TXNDC16: variants seen among roughly 807,000 people sequenced by gnomAD.
TXNDC16 encodes the protein thioredoxin domain containing 16.
In TXNDC16, 74 loss-of-function variants were observed where a neutral mutation model predicts 85.6. The observed-to-expected ratio is 0.86, with a 90% CI of 0.72 to 1.05. TXNDC16 has a LOEUF of 1.05. Among genes scored for constraint, TXNDC16 ranks in the 50% least tolerant of loss-of-function variants. The pLI is 0.00. For synonymous variants in TXNDC16, 335 were observed against 326.5 expected (o/e 1.03, Z -0.28); for missense variants, 959 against 947.0 (o/e 1.01, Z -0.17).
At chr14:52,521,154 C>T (rs181460191) in intron 6 of TXNDC16, among the ~76,000 whole-genome samples, 88 of 152,022 alleles carry the variant, frequency 5.8e-4, no homozygotes, top group African/African-American at 2.1e-3. Context: ...GCTCTGTCGC[C>T]CGGGCTAGAG....
intron 6 of TXNDC16, among the ~76,000 whole-genome samples, chr14:52,530,368 TTATATAATATTA>T (rs1358039318): frequency 0.01 from 343 of 34,132 alleles, 28 homozygotes; most frequent in Non-Finnish European, 0.014. Context: ...ATATATATTA[TTATATAATATTA>T]TATATAATAT....
At chr14:52,521,488 C>T (rs2037210798) in intron 6 of TXNDC16, among the ~76,000 whole-genome samples, 1 of 152,072 alleles carries the variant, frequency 6.6e-6, no homozygotes. Flanking sequence ...TTCATTTCTG[C>T]TCCTGTATCT....
intron 3 of TXNDC16, among the ~76,000 whole-genome samples, chr14:52,543,043 C>A (rs186848577): frequency 6.6e-6 from 1 of 151,838 alleles, no homozygotes. Context: ...AATAGTTACA[C>A]GCTAAAAACA....
chr14:52,537,887 C>T (rs1412315070), intron 4 of TXNDC16, among the ~76,000 whole-genome samples: 1 of 151,994 alleles, frequency 6.6e-6, no homozygotes, highest in Non-Finnish European at 1.5e-5. Flanking sequence ...TCTCATGGAA[C>T]CAGTATGTGG....
intron 1 of TXNDC16, among the ~76,000 whole-genome samples, chr14:52,549,390 C>T (rs2038000567): frequency 1.3e-5 from 2 of 152,124 alleles, no homozygotes; most frequent in Non-Finnish European, 2.9e-5. Context: ...CTAAAGCGTG[C>T]ACATAAAATG....
At chr14:52,499,618 AAAAAG>A (rs1342860286) in intron 9 of TXNDC16, among the ~76,000 whole-genome samples, 8 of 151,846 alleles carry the variant, frequency 5.3e-5, no homozygotes, top group African/African-American at 1.2e-4. Context: ...TCAAAAAAAA[AAAAAG>A]AAAAGAAAGA....
rs1433832441 is a variant in TXNDC16 at position 52,529,978 on chromosome 14, A to C, written c.392+6741T>G. On this transcript the variant is annotated intron_variant, in intron 6 of 20. Transcript: ENST00000281741. ...TACATATTATAATACATATAACAAT[A>C]TGTAATATATAATTCATATATATAA... is the stretch of plus-strand genomic sequence containing the variant. 1.5e-3 allele frequency among the ~76,000 whole-genome samples: 138 copies of C among 89,208 alleles called. 5 individuals carry two copies. In the South Asian group the frequency reaches 0.047, roughly 30 times the overall value. 58.5% of individuals were successfully genotyped at this position (89,208 alleles called of 152,430 possible). A position where few individuals can be genotyped will look rare whatever the true frequency, so the allele number is the denominator to read the frequency against.
At chr14:52,508,252 G>A (rs541913697) in intron 9 of TXNDC16, among the ~76,000 whole-genome samples, 9 of 152,248 alleles carry the variant, frequency 5.9e-5, no homozygotes, top group East Asian at 3.9e-4. Flanking sequence ...ACAAGTGGGC[G>A]AAGGATATGA....
At chr14:52,544,428 C>A (rs1209367605) in intron 1 of TXNDC16, 57 bp from the exon 2 acceptor site, 1 of 151,904 alleles carries the variant, frequency 6.6e-6, no homozygotes, top group Non-Finnish European at 1.5e-5. Flanking sequence ...ACAGTCATAG[C>A]TGTAGGTGAA....
chr14:52,547,847 C>T (rs998305830), intron 1 of TXNDC16, among the ~76,000 whole-genome samples: 1 of 152,156 alleles, frequency 6.6e-6, no homozygotes, highest in African/African-American at 2.4e-5. Flanking sequence ...CAGGAAAAGC[C>T]AAGGAAGAAC....
chr14:52,459,520 T>C lies in TXNDC16; in HGVS notation c.1619-2346A>G, dbSNP rs183711362. On this transcript the variant is annotated intron_variant, in intron 16 of 20. Transcript: ENST00000281741. The stretch of plus-strand genomic sequence containing the variant: ...CAAAGAAGAGCTGATACCATTCCTA[T>C]TGAAACTATTCCCAAAAATTAAGGA... 8.9e-4 allele frequency among the ~76,000 whole-genome samples: 136 copies of C among 152,310 alleles called. 1 individual carries two copies. The highest frequency in any genetic ancestry group is 3.4e-3 in the Middle Eastern group (1 of 292).
At chr14:52,459,898 G>A (rs1206835211) in intron 16 of TXNDC16, among the ~76,000 whole-genome samples, 1 of 152,124 alleles carries the variant, frequency 6.6e-6, no homozygotes, top group Non-Finnish European at 1.5e-5. Flanking sequence ...ACTAGGTACT[G>A]AAGAAACACA....
chr14:52,453,953 AAAG>A (rs1413347952), intron 18 of TXNDC16, among the ~76,000 whole-genome samples: 1 of 152,230 alleles, frequency 6.6e-6, no homozygotes, highest in Non-Finnish European at 1.5e-5. Context: ...TTGAAAGAAT[AAAG>A]AAGACCTAGT....
chr14:52,534,008 A>G lies in TXNDC16; in HGVS notation c.392+2711T>C, dbSNP rs2037643813. On this transcript the variant is annotated intron_variant, in intron 6 of 20. Transcript: ENST00000281741. ...AATTTTCTCTAGAAAACTGCAATGT[A>G]CTGCTTATGTGCCAAGTGTGGTATG... 1.3e-5 allele frequency among the ~76,000 whole-genome samples: 2 copies of G among 152,130 alleles called. 1 individual carries two copies. Among genetic ancestry groups the G allele is most frequent in the South Asian group, 4.1e-4 (2 of 4,834 alleles).
chr14:52,509,783 C>A (rs2036910860), intron 9 of TXNDC16, among the ~76,000 whole-genome samples: 1 of 151,784 alleles, frequency 6.6e-6, no homozygotes, highest in East Asian at 1.9e-4. Context: ...TCGAGACCAT[C>A]CTGGCTAAGA....
At position 52,528,861 on chromosome 14, in the gene TXNDC16, ATATAATACCTATTATATATATTATC is replaced by A. The variant is rs1297813518; in HGVS notation, c.392+7833_392+7857del. Among the ~76,000 whole-genome samples, 139 of 145,656 alleles carry A rather than the reference ATATAATACCTATTATATATATTATC, an allele frequency of 9.5e-4. 1 individual carries two copies. Among genetic ancestry groups the A allele is most frequent in the East Asian group, 4.9e-3 (25 of 5,114 alleles). ...TATATATATATGTGTGTGTGTATAT[ATATAATACCTATTATATATATTATC>A]TATAATACCTATTATATATATTATC... On this transcript the variant is annotated intron_variant, in intron 6 of 20. Transcript: ENST00000281741.
At chr14:52,530,158 TTA>T (rs1242426876) in intron 6 of TXNDC16, among the ~76,000 whole-genome samples, 29 of 86,320 alleles carry the variant, frequency 3.4e-4, no homozygotes, top group Middle Eastern at 0.014. Context: ...TATATATAAT[TTA>T]TATATATTAT....
intron 19 of TXNDC16, 39 bp downstream of exon 19, chr14:52,440,525 C>G (rs769549298): frequency 2.7e-6 from 4 of 1,474,190 alleles, no homozygotes; most frequent in Admixed American, 4.9e-5. Context: ...TTATTACTTT[C>G]TTTACCTCTT....
intron 14 of TXNDC16, among the ~76,000 whole-genome samples, chr14:52,472,305 C>T (rs1028084556): frequency 5.9e-5 from 9 of 151,976 alleles, no homozygotes; most frequent in African/African-American, 1.9e-4. Context: ...TCAGGCGATT[C>T]TCCTGCCTCA....
Sources: gnomAD v4.1 joint callset for allele counts (sites outside exome capture counted in the v4.1 genomes callset) on GRCh38, gnomAD v4.1.1 for gene constraint, MANE v1.5 for transcripts, NCBI Gene and HGNC (gene_info 2026-07-23, HGNC 2026-07-21) for gene names.